UTRN: variants seen among roughly 807,000 people sequenced by gnomAD.
UTRN encodes dystrophin-related protein 1.
A neutral mutation model predicts 463.9 loss-of-function variants in UTRN; 283 were observed. That is an observed-to-expected ratio of 0.61 (90% CI 0.55 to 0.67). The LOEUF (loss-of-function observed/expected upper bound fraction) is 0.67, where lower values mean the gene tolerates loss of function less well. Ranked by LOEUF, UTRN falls within the 30% of genes least tolerant of loss-of-function variation. The pLI, the probability that UTRN is intolerant of heterozygous loss-of-function variation, is 0.00. For missense variants in UTRN, 3,922 were observed against 4,084.3 expected, an observed-to-expected ratio of 0.96 and a Z score of 1.08; for synonymous variants, 1,442 against 1,431.5, an observed-to-expected ratio of 1.01 and a Z score of -0.17.
At chr6:144,515,006 A>G (rs1365440585) in intron 37 of UTRN, among the ~76,000 whole-genome samples, 186 bp downstream of exon 37, 3 of 152,120 alleles carry the variant, frequency 2.0e-5, no homozygotes, top group Non-Finnish European at 4.4e-5. Flanking sequence ...GGTGCAAGCT[A>G]TTCTCCTGCC....
intron 51 of UTRN, among the ~76,000 whole-genome samples, chr6:144,597,591 C>A (rs1803789611): frequency 6.6e-6 from 1 of 152,080 alleles, no homozygotes; most frequent in African/African-American, 2.4e-5. Context: ...GCATGGGGGC[C>A]CTTCTTTTGG....
chr6:144,481,680 G>A (rs1791881898), intron 26 of UTRN, among the ~76,000 whole-genome samples: 1 of 151,242 alleles, frequency 6.6e-6, no homozygotes, highest in Admixed American at 6.5e-5. Context: ...CGTTAACACT[G>A]CTGTTATGAA....
At chr6:144,552,486 T>C (rs937611798) in intron 48 of UTRN, among the ~76,000 whole-genome samples, 1 of 152,218 alleles carries the variant, frequency 6.6e-6, no homozygotes, top group Non-Finnish European at 1.5e-5. Context: ...CTTTTAATTA[T>C]TATTTTTTCC....
At chr6:144,691,242 A>G (rs1222698599) in intron 52 of UTRN, among the ~76,000 whole-genome samples, 1 of 152,092 alleles carries the variant, frequency 6.6e-6, no homozygotes, top group Non-Finnish European at 1.5e-5. Flanking sequence ...TCAGCCTCCC[A>G]TGTAGCTGGA....
chr6:144,609,627 C>T (rs889059647), intron 51 of UTRN, among the ~76,000 whole-genome samples: 1 of 152,118 alleles, frequency 6.6e-6, no homozygotes, highest in African/African-American at 2.4e-5. Context: ...ACAGAATACA[C>T]GTTCTTCTTA....
intron 9 of UTRN, among the ~76,000 whole-genome samples, chr6:144,434,778 C>T (rs1786369273): frequency 6.6e-6 from 1 of 152,096 alleles, no homozygotes; most frequent in Non-Finnish European, 1.5e-5. Flanking sequence ...CAGCAGGAAA[C>T]CAGGGCAGTG....
intron 2 of UTRN, among the ~76,000 whole-genome samples, chr6:144,300,069 A>C (rs1319752145): frequency 6.7e-6 from 1 of 150,326 alleles, no homozygotes; most frequent in African/African-American, 2.5e-5. Context: ...CTGTAAAAAC[A>C]GCCCAAAAGT....
chr6:144,405,328 A>G (rs764527630), intron 3 of UTRN, among the ~76,000 whole-genome samples: 8 of 152,208 alleles, frequency 5.3e-5, no homozygotes, highest in Non-Finnish European at 8.8e-5. Context: ...TCTTAAGACC[A>G]TAAGTTGGAT....
intron 2 of UTRN, among the ~76,000 whole-genome samples, chr6:144,307,755 C>T (rs569951711): frequency 4.6e-5 from 7 of 151,314 alleles, no homozygotes; most frequent in African/African-American, 1.7e-4. Context: ...ATGAATATTT[C>T]CCTTTTGTTG....
chr6:144,288,319 G>A (rs1803882641), intron 1 of UTRN, among the ~76,000 whole-genome samples: 1 of 152,210 alleles, frequency 6.6e-6, no homozygotes, highest in African/African-American at 2.4e-5. Flanking sequence ...CTGATAATGG[G>A]CAAATGGAAT....
At position 144,440,472 on chromosome 6, in the gene UTRN, G is replaced by C; in HGVS notation, c.1512+1G>C. The C allele has an allele frequency of 6.2e-7, 1 of 1,614,088 alleles. No homozygotes were observed. The highest frequency in any genetic ancestry group is 8.5e-7 in the Non-Finnish European group (1 of 1,179,974). ...AGCTATCCTAGAAGACCAGTTACAG[G>C]TAAGAGTGCTGTAAAGTTGGATAAT... On this transcript the variant is annotated splice_donor_variant, in intron 13 of 74. Transcript: ENST00000367545. LOFTEE classifies it high-confidence loss of function.
At chr6:144,714,847 C>G (rs149020539) in intron 53 of UTRN, among the ~76,000 whole-genome samples, 6 of 152,218 alleles carry the variant, frequency 3.9e-5, no homozygotes, top group African/African-American at 1.4e-4. Flanking sequence ...AAGACCTCAC[C>G]TTTCCTGCTG....
chr6:144,570,096 CA>C (rs766690279), intron 50 of UTRN, among the ~76,000 whole-genome samples: 1 of 152,136 alleles, frequency 6.6e-6, no homozygotes, highest in East Asian at 1.9e-4. Flanking sequence ...ATGATAGCAG[CA>C]ATGAAACACC....
chr6:144,674,694 C>T (rs9497040), intron 51 of UTRN, among the ~76,000 whole-genome samples: 3,819 of 152,150 alleles, frequency 0.025, 159 homozygotes, highest in African/African-American at 0.086. Flanking sequence ...GTAGCTGGGA[C>T]CACAGGTGTA....
At chr6:144,685,707 G>A (rs1306843118) in intron 52 of UTRN, among the ~76,000 whole-genome samples, 1 of 152,052 alleles carries the variant, frequency 6.6e-6, no homozygotes, top group East Asian at 1.9e-4. Context: ...TTTTTAGTAG[G>A]ATTATTTGTT....
chr6:144,690,763 G>A (rs1002416184), intron 52 of UTRN, among the ~76,000 whole-genome samples: 2 of 152,050 alleles, frequency 1.3e-5, no homozygotes, highest in East Asian at 1.9e-4. Context: ...CACCAGCTCC[G>A]GAGCTGGGTA....
At chr6:144,602,986 G>T (rs1432116382) in intron 51 of UTRN, among the ~76,000 whole-genome samples, 1 of 152,138 alleles carries the variant, frequency 6.6e-6, no homozygotes, top group Non-Finnish European at 1.5e-5. Flanking sequence ...TGGTGATGTG[G>T]AACGAAACCT....
chr6:144,515,852 G>A (rs983162661), intron 37 of UTRN, among the ~76,000 whole-genome samples: 3 of 152,204 alleles, frequency 2.0e-5, no homozygotes, highest in Non-Finnish European at 4.4e-5. Flanking sequence ...CATTCTGTGA[G>A]GTGTCCCTGC....
In UTRN at chr6:144,743,178, C is replaced by G. The variant is rs562551729; in HGVS notation, c.7940-5068C>G. ...GACATACCAATCTCTAGACTGGCTA[C>G]TATAAAATCAATATGGAAGGAAAGA... On this transcript the variant is annotated intron_variant, in intron 54 of 74. Transcript: ENST00000367545. Among the ~76,000 whole-genome samples the G allele has an allele frequency of 1.8e-3, 267 of 152,188 alleles. 2 individuals are homozygous for G. The highest frequency in any genetic ancestry group is 2.1e-3 in the Non-Finnish European group (146 of 68,010).
Sources: gnomAD v4.1 joint callset for allele counts (sites outside exome capture counted in the v4.1 genomes callset) on GRCh38, gnomAD v4.1.1 for gene constraint, MANE v1.5 for transcripts, NCBI Gene and HGNC (gene_info 2026-07-23, HGNC 2026-07-21) for gene names.